Variants in AHI1 observed in about 807,000 individuals in gnomAD.
AHI1 encodes jouberin.
A neutral mutation model predicts 149.3 loss-of-function variants in AHI1; 123 were observed. The observed-to-expected ratio is 0.82, with a 90% CI of 0.71 to 0.96. The LOEUF (loss-of-function observed/expected upper bound fraction) is 0.96, where lower values mean the gene tolerates loss of function less well. AHI1 is among the 40% of genes least tolerant of loss of function. AHI1 has a pLI of 0.00. For missense variants in AHI1, 1,439 were observed against 1,422.7 expected (o/e 1.01, Z -0.18); for synonymous variants, 475 against 459.8 (o/e 1.03, Z -0.42).
At chr6:135,407,294 T>C (rs1448583728) in intron 21 of AHI1, among the ~76,000 whole-genome samples, 1 of 152,148 alleles carries the variant, frequency 6.6e-6, no homozygotes, top group African/African-American at 2.4e-5. Context: ...AAAAGGAATT[T>C]GGGGTCTACT....
At chr6:135,464,707 G>A (rs1013650970) in intron 7 of AHI1, among the ~76,000 whole-genome samples, 15 of 152,262 alleles carry the variant, frequency 9.9e-5, no homozygotes, top group African/African-American at 3.6e-4. Context: ...GGTATACCGG[G>A]CCCAAAGCCA....
intron 25 of AHI1, among the ~76,000 whole-genome samples, chr6:135,319,571 T>C (rs1157445704): frequency 3.3e-5 from 5 of 152,238 alleles, no homozygotes; most frequent in Non-Finnish European, 7.3e-5. Context: ...AGTGTTGAAT[T>C]TAAGATTCTT....
At chr6:135,368,145 G>A (rs1346612662) in intron 23 of AHI1, among the ~76,000 whole-genome samples, 1 of 152,172 alleles carries the variant, frequency 6.6e-6, no homozygotes, top group Non-Finnish European at 1.5e-5. Flanking sequence ...GAGCCACCAG[G>A]CTCCGTGTTG....
chr6:135,480,911 C>T (rs889155437), intron 5 of AHI1, among the ~76,000 whole-genome samples: 1 of 152,166 alleles, frequency 6.6e-6, no homozygotes, highest in African/African-American at 2.4e-5. Flanking sequence ...CTAGGTTGCA[C>T]GTTCCTTATG....
chr6:135,475,847 G>C (rs1276784313), intron 5 of AHI1, among the ~76,000 whole-genome samples: 2 of 152,116 alleles, frequency 1.3e-5, no homozygotes, highest in Admixed American at 6.5e-5. Flanking sequence ...TTTGAGTCCT[G>C]TGAGTCTCTC....
Position 135,349,782 on chromosome 6 carries a change from A to C in AHI1, c.3165+8350T>G, listed in dbSNP as rs564085983. Among the ~76,000 whole-genome samples the C allele has an allele frequency of 9.2e-5, 14 of 152,330 alleles. No individual in the cohort carries two copies. The South Asian group carries it at 2.7e-3, about 29-fold the overall frequency. ...AGAGCAGCTGAAAAAGATGCATAGA[A>C]CTTTAGACCCAAAAGTTGACTTTAA... is the stretch of plus-strand genomic sequence containing the variant. On this transcript the variant is annotated intron_variant, in intron 24 of 28. Coordinates refer to ENST00000265602, the MANE Select transcript of AHI1 (RefSeq NM_001134831.2).
intron 26 of AHI1, among the ~76,000 whole-genome samples, chr6:135,303,856 T>C (rs901066989): frequency 2.0e-5 from 3 of 152,172 alleles, no homozygotes; most frequent in East Asian, 1.9e-4. Flanking sequence ...CCCTGAGGAA[T>C]AGGGCTCTGT....
In AHI1 at chr6:135,344,416, T is replaced by G. The variant is rs1280481425; in HGVS notation, c.3165+13716A>C. Among the ~76,000 whole-genome samples the G allele has an allele frequency of 2.6e-5, 4 of 150,970 alleles. No homozygotes were observed. The South Asian group carries it at 8.3e-4, about 31-fold the overall frequency. ...ATATATATTTTACAAAATTTTACAATTTATTTTTATATACTATATAGGTAT... is the reference window on the plus strand; with the variant it reads ...ATATATATTTTACAAAATTTTACAAGTTATTTTTATATACTATATAGGTAT... On this transcript the variant is annotated intron_variant, in intron 24 of 28. Transcript: ENST00000265602.
In AHI1 at chr6:135,492,254, G is replaced by C; in HGVS notation, c.-17C>G. 6.5e-7 allele frequency: 1 copy of C among 1,536,646 alleles called. No individual in the cohort carries two copies. Among genetic ancestry groups the C allele is most frequent in the East Asian group, 2.5e-5 (1 of 40,446 alleles). ...TGTAGGCATCTCTCAGCTTTATGCA[G>C]AGGACTGAGAATGCAAAGCATTGAC... On this transcript the variant is annotated 5_prime_UTR_variant, in exon 4 of 29. Coordinates refer to ENST00000265602, the MANE Select transcript of AHI1 (RefSeq NM_001134831.2).
At chr6:135,406,773 T>A (rs991633211) in intron 21 of AHI1, among the ~76,000 whole-genome samples, 2 of 152,188 alleles carry the variant, frequency 1.3e-5, no homozygotes, top group African/African-American at 4.8e-5. Flanking sequence ...CAGGATGAGA[T>A]CTTGAGTGTT....
At chr6:135,410,212 T>A (rs951655260) in intron 21 of AHI1, among the ~76,000 whole-genome samples, 6 of 151,852 alleles carry the variant, frequency 4.0e-5, no homozygotes, top group East Asian at 1.9e-4. Flanking sequence ...ACAAAAAAAA[T>A]TTTTTTAATT....
At chr6:135,417,353 A>C (rs1470029221) in intron 20 of AHI1, among the ~76,000 whole-genome samples, 1 of 152,060 alleles carries the variant, frequency 6.6e-6, no homozygotes, top group African/African-American at 2.4e-5. Context: ...GAAATGGCCC[A>C]GAAGCACATA....
rs1304755953 is a variant in AHI1 at position 135,411,343 on chromosome 6, C to T, written c.2961+5G>A. The T allele has an allele frequency of 7.5e-6, 12 of 1,599,456 alleles. No homozygotes were observed. The highest frequency in any genetic ancestry group is 9.4e-6 in the Non-Finnish European group (11 of 1,168,088). On this transcript the variant is annotated splice_donor_5th_base_variant and intron_variant, in intron 21 of 28. Coordinates refer to ENST00000265602, the MANE Select transcript of AHI1 (RefSeq NM_001134831.2). Reference sequence around the variant, plus strand: ...TAAAGTTTCAACTGCATAAAATAAACTTACTGTGACAGTTTCAAGCCTCTG... The same window carrying T: ...TAAAGTTTCAACTGCATAAAATAAATTTACTGTGACAGTTTCAAGCCTCTG...
chr6:135,386,794 C>T (rs1352099946), intron 23 of AHI1, among the ~76,000 whole-genome samples: 1 of 151,814 alleles, frequency 6.6e-6, no homozygotes, highest in East Asian at 1.9e-4. Flanking sequence ...CCATGCCTGG[C>T]TAATTTTTGT....
At chr6:135,370,228 G>C (rs1774819713) in intron 23 of AHI1, among the ~76,000 whole-genome samples, 1 of 149,300 alleles carries the variant, frequency 6.7e-6, no homozygotes, top group African/African-American at 2.5e-5. Flanking sequence ...AGCTGACTTG[G>C]GTTGGGACTG....
intron 5 of AHI1, among the ~76,000 whole-genome samples, chr6:135,475,108 C>G (rs934393625): frequency 2.6e-5 from 4 of 152,100 alleles, no homozygotes; most frequent in Non-Finnish European, 5.9e-5. Context: ...TTCGAGTTAT[C>G]TATTTCTTTT....
intron 24 of AHI1, among the ~76,000 whole-genome samples, chr6:135,330,418 T>C (rs932045490): frequency 1.3e-5 from 2 of 152,238 alleles, no homozygotes; most frequent in African/African-American, 4.8e-5. Flanking sequence ...ATCATTGGTA[T>C]TTTTTAGCAA....
intron 22 of AHI1, among the ~76,000 whole-genome samples, chr6:135,403,975 T>C (rs986479316): frequency 6.6e-6 from 1 of 151,876 alleles, no homozygotes; most frequent in East Asian, 1.9e-4. Context: ...CAATAGCCTA[T>C]TGCATTCCAA....
At chr6:135,489,991 C>A in intron 5 of AHI1, 2 of 454,358 alleles carry the variant, frequency 4.4e-6, no homozygotes, top group Non-Finnish European at 7.7e-6. Flanking sequence ...GTAAAAAGTG[C>A]AACTCAAGTA....
Sources: allele counts gnomAD v4.1 joint callset (sites outside exome capture counted in the v4.1 genomes callset), GRCh38; gene constraint gnomAD v4.1.1; transcripts MANE v1.5; gene names NCBI Gene and HGNC (gene_info 2026-07-23, HGNC 2026-07-21).